Variants in ATRNL1 observed in about 807,000 individuals in gnomAD.
ATRNL1 encodes attractin-like protein 1.
In ATRNL1, 95 loss-of-function variants were observed where a neutral mutation model predicts 182.7. The ratio of observed to expected loss-of-function variants is 0.52; its 90% CI spans 0.44 to 0.62. The LOEUF (loss-of-function observed/expected upper bound fraction) is 0.62. Among genes scored for constraint, ATRNL1 ranks in the 20% least tolerant of loss-of-function variants. The probability of loss-of-function intolerance (pLI) is 0.00; values close to 1 mark genes in which losing one functional copy is unlikely to be tolerated. For synonymous variants in ATRNL1, 576 were observed against 568.3 expected, an observed-to-expected ratio of 1.01 and a Z score of -0.19; for missense variants, 1,471 against 1,679.5, an observed-to-expected ratio of 0.88 and a Z score of 2.17.
chr10:115,701,756 A>G (rs1946743117), intron 26 of ATRNL1, among the ~76,000 whole-genome samples: 1 of 152,014 alleles, frequency 6.6e-6, no homozygotes, highest in Non-Finnish European at 1.5e-5. Context: ...TCAGGAAGAA[A>G]TGAAATCCTG....
chr10:115,732,374 C>G (rs530394632), intron 27 of ATRNL1, among the ~76,000 whole-genome samples: 2 of 152,160 alleles, frequency 1.3e-5, no homozygotes, highest in African/African-American at 4.8e-5. Flanking sequence ...ATCTTGATGA[C>G]TCTACCTTTG....
intron 17 of ATRNL1, 48 bp from the exon 18 acceptor site, chr10:115,315,470 T>G: frequency 1.5e-6 from 2 of 1,297,176 alleles, no homozygotes; most frequent in Non-Finnish European, 1.1e-6. Context: ...TAATTCTGTT[T>G]GAATATATAG....
intron 27 of ATRNL1, among the ~76,000 whole-genome samples, chr10:115,760,298 G>A (rs1161853366): frequency 6.6e-6 from 1 of 151,580 alleles, no homozygotes; most frequent in Non-Finnish European, 1.5e-5. Context: ...TTTTGCTCTA[G>A]TACATGTAAT....
At chr10:115,830,001 T>C (rs1950524143) in intron 27 of ATRNL1, among the ~76,000 whole-genome samples, 1 of 152,200 alleles carries the variant, frequency 6.6e-6, no homozygotes, top group Non-Finnish European at 1.5e-5. Flanking sequence ...GCAGTAAGTG[T>C]TAGCTACTAT....
intron 27 of ATRNL1, among the ~76,000 whole-genome samples, chr10:115,759,580 A>G (rs76853237): frequency 6.6e-6 from 1 of 151,942 alleles, no homozygotes; most frequent in East Asian, 1.9e-4. Context: ...CAAAGTTTTA[A>G]TTAGGTTTTG....
intron 10 of ATRNL1, among the ~76,000 whole-genome samples, chr10:115,260,078 A>G (rs1440735551): frequency 6.6e-6 from 1 of 152,184 alleles, no homozygotes; most frequent in Non-Finnish European, 1.5e-5. Flanking sequence ...AAGGCAAATA[A>G]CTTCTAGAAG....
chr10:115,297,670 A>C (rs1035799760), intron 15 of ATRNL1, among the ~76,000 whole-genome samples: 2 of 143,586 alleles, frequency 1.4e-5, no homozygotes, highest in African/African-American at 2.6e-5. Flanking sequence ...AAAAAAAAAA[A>C]GGGACAATTA....
intron 28 of ATRNL1, among the ~76,000 whole-genome samples, chr10:115,931,067 A>G (rs1953380139): frequency 6.6e-6 from 1 of 152,196 alleles, no homozygotes; most frequent in East Asian, 1.9e-4. Flanking sequence ...ATAGTCTTAC[A>G]GCCTTTTACT....
chr10:115,711,985 A>AT (rs1947076897), intron 26 of ATRNL1, among the ~76,000 whole-genome samples: 1 of 152,286 alleles, frequency 6.6e-6, no homozygotes, highest in Middle Eastern at 3.4e-3. Context: ...GTCTAAAATT[A>AT]TTTTGCCTTT....
In ATRNL1 at chr10:115,570,373, G is replaced by A. The variant is rs1854318609; in HGVS notation, c.3795+20837G>A. Reference sequence around the variant, plus strand: ...CCAACACCATCACCCTGGGGGTTAAGATTTCAGCATATGAAATTTTGAAGT... The same window carrying A: ...CCAACACCATCACCCTGGGGGTTAAAATTTCAGCATATGAAATTTTGAAGT... On this transcript the variant is annotated intron_variant, in intron 26 of 28. Coordinates refer to ENST00000355044, the MANE Select transcript of ATRNL1 (RefSeq NM_207303.4). 3.9e-5 allele frequency among the ~76,000 whole-genome samples: 6 copies of A among 152,182 alleles called. No individual in the cohort carries two copies. The South Asian group carries it at 1.2e-3, about 31-fold the overall frequency.
chr10:115,587,361 G>A (rs1381501965), intron 26 of ATRNL1, among the ~76,000 whole-genome samples: 6 of 151,812 alleles, frequency 4.0e-5, no homozygotes, highest in South Asian at 2.1e-4. Context: ...CCCCAGCCTC[G>A]CTGCCGCCTT....
At chr10:115,261,991 T>A (rs1404915249) in intron 10 of ATRNL1, among the ~76,000 whole-genome samples, 1 of 152,104 alleles carries the variant, frequency 6.6e-6, no homozygotes, top group Admixed American at 6.6e-5. Context: ...GAGCTTAATC[T>A]TCACCATCTG....
At chr10:115,416,094 G>A (rs1845376324) in intron 20 of ATRNL1, among the ~76,000 whole-genome samples, 2 of 151,934 alleles carry the variant, frequency 1.3e-5, no homozygotes, top group Admixed American at 6.6e-5. Context: ...TCTCATTGGA[G>A]TTTTCATTGA....
At chr10:115,419,035 T>C (rs1011278953) in intron 20 of ATRNL1, among the ~76,000 whole-genome samples, 1 of 152,206 alleles carries the variant, frequency 6.6e-6, no homozygotes, top group Non-Finnish European at 1.5e-5. Flanking sequence ...TTTATCTTTG[T>C]ATAAAGAATG....
At chr10:115,672,242 T>A (rs74158233) in intron 26 of ATRNL1, among the ~76,000 whole-genome samples, 1,559 of 152,210 alleles carry the variant, frequency 0.01, 30 homozygotes, top group African/African-American at 0.035. Context: ...AGCCTCATTT[T>A]TAATATTAGA....
intron 8 of ATRNL1, among the ~76,000 whole-genome samples, chr10:115,208,981 T>C (rs1297190315): frequency 6.6e-6 from 1 of 151,904 alleles, no homozygotes; most frequent in African/African-American, 2.4e-5. Context: ...TAATTCATTA[T>C]GAAATATAGT....
chr10:115,763,101 GTT>G (rs1378101932), intron 27 of ATRNL1, among the ~76,000 whole-genome samples: 1 of 152,014 alleles, frequency 6.6e-6, no homozygotes, highest in Admixed American at 6.6e-5. Flanking sequence ...TTATCAGTGA[GTT>G]TTTTTGTTTT....
At chr10:115,914,626 A>G (rs143613765) in intron 28 of ATRNL1, among the ~76,000 whole-genome samples, 3 of 152,284 alleles carry the variant, frequency 2.0e-5, no homozygotes, top group Non-Finnish European at 4.4e-5. Context: ...CTTTCAGCTT[A>G]TCTGGACACC....
Position 115,121,775 on chromosome 10 carries a change from G to A in ATRNL1, c.454G>A (p.Gly152Arg). 1.3e-6 allele frequency: 2 copies of A among 1,566,244 alleles called. No individual in the cohort carries two copies. The highest frequency in any genetic ancestry group is 1.7e-6 in the Non-Finnish European group (2 of 1,151,524). Residue 152 changes from glycine to arginine, a missense_variant, in exon 3 of 29, where the codon GGA (glycine) becomes AGA (arginine). By Grantham distance (125) the Gly-to-Arg change is moderately radical. This residue lies in a region of ATRNL1 where 1,031 missense variants were observed against 1,156.0 expected (regional missense o/e 0.89). Transcript: ENST00000355044. ...CSWDHMYVYD[G>R]DSIYAPLIAV... ...CTGGGATCATATGTATGTTTATGAT[G>A]GAGATTCAATATATGCACCTTTAAT...
Sources: gnomAD v4.1 joint callset for allele counts (sites outside exome capture counted in the v4.1 genomes callset) on GRCh38, gnomAD v4.1.1 for gene constraint, gnomAD v4.1.1 regional missense constraint, MANE v1.5 for transcripts, NCBI Gene and HGNC (gene_info 2026-07-23, HGNC 2026-07-21) for gene names.